Variants in KIAA0319 observed in about 807,000 individuals in gnomAD.
The protein encoded by KIAA0319 is dyslexia-associated protein KIAA0319.
A neutral mutation model predicts 108.4 loss-of-function variants in KIAA0319; 83 were observed. That is an observed-to-expected ratio of 0.77 (90% confidence interval 0.64 to 0.92). The LOEUF (loss-of-function observed/expected upper bound fraction) is 0.92, where lower values mean the gene tolerates loss of function less well. Ranked by LOEUF, KIAA0319 falls within the 40% of genes least tolerant of loss-of-function variation. KIAA0319 has a pLI of 0.00. For synonymous variants in KIAA0319, 484 were observed against 510.4 expected (o/e 0.95, Z 0.70); for missense variants, 1,195 against 1,322.4 (o/e 0.90, Z 1.49).
At chr6:24,565,481 G>A (rs902383265) in intron 14 of KIAA0319, among the ~76,000 whole-genome samples, 25 of 151,174 alleles carry the variant, frequency 1.7e-4, no homozygotes, top group Admixed American at 1.4e-3. Context: ...AAGGCTGGGC[G>A]CGGTGGCTCA....
At chr6:24,542,412 G>A (rs1760227170), downstream of KIAA0319, among the ~76,000 whole-genome samples, 1 of 152,078 alleles carries the variant, frequency 6.6e-6, no homozygotes, top group African/African-American at 2.4e-5. Flanking sequence ...ATCCCCATTG[G>A]TTAACTAGGC....
intron 17 of KIAA0319, among the ~76,000 whole-genome samples, chr6:24,558,401 A>ATAGATAGG (rs1040093944): frequency 9.5e-5 from 13 of 137,314 alleles, no homozygotes; most frequent in Admixed American, 2.2e-4. Flanking sequence ...AGATAGATAG[A>ATAGATAGG]TAGATATCTG....
chr6:24,593,131 A>G (rs1251752958), intron 3 of KIAA0319, among the ~76,000 whole-genome samples: 1 of 152,198 alleles, frequency 6.6e-6, no homozygotes, highest in Non-Finnish European at 1.5e-5. Flanking sequence ...ATTCTTGTCT[A>G]TAGACATGTA....
At position 24,603,777 on chromosome 6, in the gene KIAA0319, C is replaced by T. The variant is rs144004807; in HGVS notation, c.-105-2569G>A. Among the ~76,000 whole-genome samples, 78 of 152,322 alleles carry T rather than the reference C, an allele frequency of 5.1e-4. 1 individual carries two copies. The highest frequency in any genetic ancestry group is 1.9e-3 in the African/African-American group (77 of 41,580). On this transcript the variant is annotated intron_variant, in intron 1 of 20. Coordinates refer to ENST00000378214, the MANE Select transcript of KIAA0319 (RefSeq NM_014809.4). ...AGGAGCCTGCAAACAAAATCAAACA[C>T]ATAACATTCTCTTAAGATGGTGTCT...
In KIAA0319 at chr6:24,551,458, T is replaced by C. The variant is rs775285717; in HGVS notation, c.3016A>G (p.Arg1006Gly). ...CCATATTTGGGCCTCAGTTCCATTC[T>C]TTCCTGTTCATCCATGTTATCCAGG... ...TILDNMDEQE[R>G]MELRPKYGIK... Residue 1006 changes from arginine (R) to glycine (G), a missense_variant, in exon 20 of 21, where the codon AGA becomes GGA. Coordinates refer to ENST00000378214, the MANE Select transcript of KIAA0319 (RefSeq NM_014809.4). 1.2e-6 allele frequency: 2 copies of C among 1,612,116 alleles called. No individual in the cohort carries two copies. The highest frequency in any genetic ancestry group is 1.7e-6 in the Non-Finnish European group (2 of 1,178,110).
At position 24,544,300 on chromosome 6, in the gene KIAA0319, T is replaced by C. The variant is rs950296851; in HGVS notation, c.*2865A>G. ...AGGGAAATCCCTCTACCCTGAAGCATAAAGAAAACAAATTTCCCCCTAAAA... is the reference window on the plus strand; with the variant it reads ...AGGGAAATCCCTCTACCCTGAAGCACAAAGAAAACAAATTTCCCCCTAAAA... On this transcript the variant is annotated 3_prime_UTR_variant, in exon 21 of 21. Coordinates refer to ENST00000378214, the MANE Select transcript of KIAA0319 (RefSeq NM_014809.4). 6.6e-6 allele frequency: 1 copy of C among 152,158 alleles called. No homozygotes were observed. The highest frequency in any genetic ancestry group is 1.5e-5 in the Non-Finnish European group (1 of 68,022). The allele number at this position is 152,158 out of a possible 1,614,324, so 9.4% of individuals were successfully genotyped here. A position where few individuals can be genotyped will look rare whatever the true frequency, so the allele number is the denominator to read the frequency against.
chr6:24,623,625 T>C (rs79044622), intron 1 of KIAA0319, among the ~76,000 whole-genome samples: 2,340 of 152,218 alleles, frequency 0.015, 64 homozygotes, highest in African/African-American at 0.051. Context: ...ACGAGGGCAA[T>C]GGAGGAATTC....
rs542765454 is a variant in KIAA0319 at position 24,600,332 on chromosome 6, A to G, written c.55+717T>C. ...ATGGATGGAGGGGAGTAAGTGATCT[A>G]CAAGTCATGATGGGCTTTTCCAATG... On this transcript the variant is annotated intron_variant, in intron 2 of 20. Transcript: ENST00000378214. Among the ~76,000 whole-genome samples, 8 of 152,280 alleles carry G rather than the reference A, an allele frequency of 5.3e-5. No individual in the cohort carries two copies. In the East Asian group the frequency reaches 1.5e-3, roughly 29 times the overall value.
At chr6:24,600,744 G>T in intron 2 of KIAA0319, 1 of 1,285,846 alleles carries the variant, frequency 7.8e-7, no homozygotes, top group African/African-American at 1.5e-5. Flanking sequence ...TCTGATAAAA[G>T]GAAGTCTGGC....
intron 16 of KIAA0319, among the ~76,000 whole-genome samples, chr6:24,559,617 T>TA (rs3032307): frequency 0.019 from 2,854 of 148,724 alleles, 119 homozygotes; most frequent in East Asian, 0.12. Flanking sequence ...TCCATAATAG[T>TA]AAAAAAAAAA....
intron 1 of KIAA0319, among the ~76,000 whole-genome samples, chr6:24,613,745 T>G (rs1393506356): frequency 1.3e-5 from 2 of 152,146 alleles, no homozygotes; most frequent in Non-Finnish European, 2.9e-5. Flanking sequence ...GAATGGATTT[T>G]AATTTTAATT....
chr6:24,602,725 C>T (rs1401157387), intron 1 of KIAA0319, among the ~76,000 whole-genome samples: 11 of 152,058 alleles, frequency 7.2e-5, no homozygotes, highest in Admixed American at 3.9e-4. Context: ...GGCGTGAATC[C>T]GGGAGGCGGA....
intron 13 of KIAA0319, among the ~76,000 whole-genome samples, chr6:24,567,060 T>C (rs553240064): frequency 6.6e-6 from 1 of 152,296 alleles, no homozygotes; most frequent in Non-Finnish European, 1.5e-5. Flanking sequence ...TTTACCAACA[T>C]TTAGGGTATT....
intron 16 of KIAA0319, among the ~76,000 whole-genome samples, chr6:24,561,692 G>A (rs1763118422): frequency 6.6e-6 from 1 of 151,282 alleles, no homozygotes; most frequent in Non-Finnish European, 1.5e-5. Flanking sequence ...ATGGGCGTGT[G>A]CCACCATGCC....
rs1405246189 is a variant in KIAA0319 at position 24,578,207 on chromosome 6, AATG to A, written c.1405_1407del (p.His469del). On this transcript the variant is annotated inframe_deletion, in exon 9 of 21. Coordinates refer to ENST00000378214, the MANE Select transcript of KIAA0319 (RefSeq NM_014809.4). ...ATGAAGGGCCCGTTTATTTCTTCCC[AATG>A]ATAACTCACTATTTCAGTATCATCT... 1 of 1,606,644 alleles carries A rather than the reference AATG, an allele frequency of 6.2e-7. No individual in the cohort carries two copies. Among genetic ancestry groups the A allele is most frequent in the East Asian group, 2.2e-5 (1 of 44,828 alleles).
intron 17 of KIAA0319, among the ~76,000 whole-genome samples, chr6:24,558,160 T>C (rs1419125764): frequency 6.6e-6 from 1 of 152,008 alleles, no homozygotes; most frequent in Non-Finnish European, 1.5e-5. Context: ...CTCAGCACTT[T>C]GGGAAGCTGA....
intron 1 of KIAA0319, among the ~76,000 whole-genome samples, chr6:24,620,792 A>T (rs906640757): frequency 6.6e-6 from 1 of 152,214 alleles, no homozygotes; most frequent in Non-Finnish European, 1.5e-5. Context: ...CCCCACCCTT[A>T]TGACCTCATT....
chr6:24,572,599 CA>C lies in KIAA0319; in HGVS notation c.1833del (p.Val612TrpfsTer2), dbSNP rs1333477466. The C allele has an allele frequency of 1.2e-6, 2 of 1,613,794 alleles. No homozygotes were observed. Among genetic ancestry groups the C allele is most frequent in the African/African-American group, 2.7e-5 (2 of 74,912 alleles). On this transcript the variant is annotated frameshift_variant, in exon 11 of 21. Transcript: ENST00000378214. LOFTEE classifies it high-confidence loss of function. ...CCAGGCTGGACAATCACAGTCACCA[CA>C]GCAGTAGACTGTTGCCTTGAAGAAT... The part of the protein sequence containing the change: ...VTDSSRQQST[A>X]VVTVIVQPEN...
chr6:24,578,684 A>C (rs1386673097), intron 8 of KIAA0319, among the ~76,000 whole-genome samples: 1 of 152,226 alleles, frequency 6.6e-6, no homozygotes, highest in South Asian at 2.1e-4. Flanking sequence ...TTAAGGGGTA[A>C]ATCCAGAGAA....
Sources: gnomAD v4.1 joint callset for allele counts (sites outside exome capture counted in the v4.1 genomes callset) on GRCh38, gnomAD v4.1.1 for gene constraint, MANE v1.5 for transcripts, NCBI Gene and HGNC (gene_info 2026-07-23, HGNC 2026-07-21) for gene names.